FOXP2: variants seen among roughly 807,000 people sequenced by gnomAD.
The protein encoded by FOXP2 is forkhead box P2, also known as forkhead box protein P2.
A neutral mutation model predicts 115.8 loss-of-function variants in FOXP2; 12 were observed. That is an observed-to-expected ratio of 0.10 (90% CI 0.07 to 0.17). The LOEUF is 0.17. Among genes scored for constraint, FOXP2 ranks in the 10% least tolerant of loss-of-function variants. FOXP2 has a pLI of 1.00. For missense variants in FOXP2, 629 were observed against 843.5 expected, an observed-to-expected ratio of 0.75 and a Z score of 3.15; for synonymous variants, 328 against 297.7, an observed-to-expected ratio of 1.10 and a Z score of -1.05.
chr7:114,309,756 C>G (rs1014866512), intron 2 of FOXP2, among the ~76,000 whole-genome samples: 6 of 151,754 alleles, frequency 4.0e-5, no homozygotes, highest in African/African-American at 1.5e-4. Context: ...GCTTCTGACT[C>G]TTGGGCTCAC....
intron 1 of FOXP2, among the ~76,000 whole-genome samples, chr7:114,099,935 A>T (rs534397269): frequency 6.6e-6 from 1 of 152,230 alleles, no homozygotes; most frequent in Non-Finnish European, 1.5e-5. Flanking sequence ...ATCAAAATTG[A>T]TGACTACTTG....
At chr7:114,678,564 TTTTTTTTTTG>T (rs1807901561) in intron 16 of FOXP2, among the ~76,000 whole-genome samples, 1 of 148,768 alleles carries the variant, frequency 6.7e-6, no homozygotes, top group Non-Finnish European at 1.5e-5. Flanking sequence ...TTTTTTTTTT[TTTTTTTTTTG>T]CTTGAGAAAC....
chr7:114,306,897 T>A (rs1399948688), intron 2 of FOXP2, among the ~76,000 whole-genome samples: 1 of 152,168 alleles, frequency 6.6e-6, no homozygotes, highest in African/African-American at 2.4e-5. Flanking sequence ...AACTCTGACA[T>A]TGGCCTCCTC....
At chr7:114,309,058 T>C (rs1797081199) in intron 2 of FOXP2, among the ~76,000 whole-genome samples, 1 of 152,182 alleles carries the variant, frequency 6.6e-6, no homozygotes, top group South Asian at 2.1e-4. Context: ...TAAGAGTGTA[T>C]AGCAAACAGT....
At chr7:114,635,910 T>A (rs569294553) in intron 6 of FOXP2, among the ~76,000 whole-genome samples, 23 of 152,324 alleles carry the variant, frequency 1.5e-4, no homozygotes, top group African/African-American at 5.5e-4. Context: ...ATAGTACTAA[T>A]TTTTGTTAAT....
chr7:114,352,257 A>G (rs1158985448), intron 2 of FOXP2, among the ~76,000 whole-genome samples: 1 of 151,964 alleles, frequency 6.6e-6, no homozygotes, highest in African/African-American at 2.4e-5. Context: ...ACAGAGTGAG[A>G]CCCTCTCTGA....
intron 2 of FOXP2, chr7:114,366,756 A>G (rs1365575908): frequency 6.6e-6 from 1 of 152,150 alleles, no homozygotes; most frequent in Non-Finnish European, 1.5e-5. Context: ...TTATTGCATC[A>G]TGAAATGAAG....
intron 1 of FOXP2, among the ~76,000 whole-genome samples, chr7:114,197,435 T>C (rs371838054): frequency 3.3e-5 from 5 of 152,306 alleles, no homozygotes; most frequent in East Asian, 1.9e-4. Flanking sequence ...AGTGCAACTC[T>C]GAGTTTGAGG....
chr7:114,242,296 C>G (rs766647239), intron 1 of FOXP2, among the ~76,000 whole-genome samples: 1 of 151,858 alleles, frequency 6.6e-6, no homozygotes, highest in Admixed American at 6.6e-5. Flanking sequence ...AAATGATGGT[C>G]TAATTCATAA....
chr7:114,511,596 A>G (rs982201530), intron 2 of FOXP2, among the ~76,000 whole-genome samples: 9 of 152,152 alleles, frequency 5.9e-5, no homozygotes, highest in Admixed American at 2.6e-4. Context: ...GGAGTAGAGG[A>G]TAAGTTAAAT....
At chr7:114,098,306 T>C (rs1799697093) in intron 1 of FOXP2, among the ~76,000 whole-genome samples, 1 of 152,152 alleles carries the variant, frequency 6.6e-6, no homozygotes, top group African/African-American at 2.4e-5. Flanking sequence ...GATGGAGGCA[T>C]CACATTTCCT....
chr7:114,529,685 CA>C (rs1799044057), intron 2 of FOXP2, among the ~76,000 whole-genome samples: 1 of 151,504 alleles, frequency 6.6e-6, no homozygotes. Context: ...ATGTATCAGG[CA>C]TGAAAAAATA....
intron 1 of FOXP2, among the ~76,000 whole-genome samples, chr7:114,129,055 C>T (rs1178600494): frequency 6.6e-6 from 1 of 152,134 alleles, no homozygotes. Flanking sequence ...GTTGGTGATA[C>T]TACATCCTCC....
At chr7:114,191,862 C>A (rs1430437030) in intron 1 of FOXP2, among the ~76,000 whole-genome samples, 1 of 152,114 alleles carries the variant, frequency 6.6e-6, no homozygotes, top group East Asian at 1.9e-4. Flanking sequence ...CATATATCCA[C>A]CATTACAGTA....
chr7:114,389,336 A>T (rs183318367), intron 2 of FOXP2, among the ~76,000 whole-genome samples: 11 of 152,308 alleles, frequency 7.2e-5, no homozygotes, highest in African/African-American at 2.4e-4. Flanking sequence ...TCTTAACAAG[A>T]TTCTAGGTGA....
intron 1 of FOXP2, among the ~76,000 whole-genome samples, chr7:114,170,682 A>G (rs747745227): frequency 6.6e-6 from 1 of 152,214 alleles, no homozygotes; most frequent in Non-Finnish European, 1.5e-5. Context: ...ACATTCCCCT[A>G]AGCCAAAGCC....
chr7:114,181,695 T>C (rs1793461068), intron 1 of FOXP2, among the ~76,000 whole-genome samples: 1 of 152,090 alleles, frequency 6.6e-6, no homozygotes, highest in Admixed American at 6.6e-5. Flanking sequence ...TTATCTTTTG[T>C]TTGATACAGT....
At chr7:114,434,709 C>T (rs563864619) in intron 2 of FOXP2, among the ~76,000 whole-genome samples, 2 of 152,046 alleles carry the variant, frequency 1.3e-5, no homozygotes, top group South Asian at 4.2e-4. Context: ...AACAGCTTTT[C>T]AGTAAAAAGC....
At chr7:114,378,764 G>C (rs981810971) in intron 2 of FOXP2, among the ~76,000 whole-genome samples, 1 of 146,526 alleles carries the variant, frequency 6.8e-6, no homozygotes, top group African/African-American at 2.5e-5. Flanking sequence ...CTGCTGTCTG[G>C]TACCTACAAG....
Sources: gnomAD v4.1 joint callset for allele counts (sites outside exome capture counted in the v4.1 genomes callset) on GRCh38, gnomAD v4.1.1 for gene constraint, MANE v1.5 for transcripts, NCBI Gene and HGNC (gene_info 2026-07-23, HGNC 2026-07-21) for gene names.